Variants in KLHL2 observed in about 807,000 individuals in gnomAD.
The protein encoded by KLHL2 is kelch like family member 2.
Under a neutral mutation model 75.8 loss-of-function variants are expected in KLHL2, and 15 were observed. That is an observed-to-expected ratio of 0.20 (90% CI 0.13 to 0.30). The LOEUF (loss-of-function observed/expected upper bound fraction) is 0.30. Among genes scored for constraint, KLHL2 ranks in the 10% least tolerant of loss-of-function variants. The probability of loss-of-function intolerance (pLI) is 1.00; values close to 1 mark genes in which losing one functional copy is unlikely to be tolerated. For synonymous variants in KLHL2, 214 were observed against 251.9 expected, an observed-to-expected ratio of 0.85 and a Z score of 1.42; for missense variants, 381 against 741.0, an observed-to-expected ratio of 0.51 and a Z score of 5.64.
chr4:165,258,683 A>G (rs899615372), intron 4 of KLHL2, among the ~76,000 whole-genome samples: 1 of 152,168 alleles, frequency 6.6e-6, no homozygotes, highest in Non-Finnish European at 1.5e-5. Context: ...TTAAGAAATC[A>G]CCTCTTTACA....
At chr4:165,263,090 C>T (rs1173965335) in intron 4 of KLHL2, 107 bp from the exon 5 acceptor site, 20 of 887,998 alleles carry the variant, frequency 2.3e-5, no homozygotes, top group East Asian at 9.8e-5. Flanking sequence ...GGGGTATGGA[C>T]GCAGATAATA....
Position 165,285,346 on chromosome 4 carries a change from GTTAC to G in KLHL2, c.545-9009_545-9006del, listed in dbSNP as rs144479118. ...GAGTGGGATGATGAGGGAAAGGGTAGTTACTTAATGAATTTCATATTTGCAAGAT... is the reference window on the plus strand; with the variant it reads ...GAGTGGGATGATGAGGGAAAGGGTAGTTAATGAATTTCATATTTGCAAGAT... On this transcript the variant is annotated intron_variant, in intron 5 of 14. Coordinates refer to ENST00000226725, the MANE Select transcript of KLHL2 (RefSeq NM_007246.4). Among the ~76,000 whole-genome samples, 1,459 of 152,294 alleles carry G rather than the reference GTTAC, an allele frequency of 9.6e-3. 19 individuals carry two copies. The highest frequency in any genetic ancestry group is 0.031 in the African/African-American group (1,301 of 41,562).
At chr4:165,291,368 A>T (rs924152882) in intron 5 of KLHL2, among the ~76,000 whole-genome samples, 6 of 152,010 alleles carry the variant, frequency 3.9e-5, no homozygotes, top group African/African-American at 1.4e-4. Flanking sequence ...TTTTTCATGG[A>T]TAATACTTTT....
chr4:165,292,242 T>G (rs1744572380), intron 5 of KLHL2, among the ~76,000 whole-genome samples: 1 of 152,210 alleles, frequency 6.6e-6, no homozygotes, highest in African/African-American at 2.4e-5. Context: ...TTTTAAACAA[T>G]TGTGTGTCAA....
At chr4:165,284,144 G>C (rs1743905550) in intron 5 of KLHL2, among the ~76,000 whole-genome samples, 1 of 152,174 alleles carries the variant, frequency 6.6e-6, no homozygotes, top group African/African-American at 2.4e-5. Flanking sequence ...GACATGCCCT[G>C]GAGACATTTT....
At position 165,298,159 on chromosome 4, in the gene KLHL2, C is replaced by G. The variant is rs183954010; in HGVS notation, c.771+434C>G. Among the ~76,000 whole-genome samples the G allele has an allele frequency of 5.6e-4, 85 of 152,210 alleles. 1 individual carries two copies. Among genetic ancestry groups the G allele is most frequent in the Non-Finnish European group, 1.8e-4 (12 of 68,012 alleles). On this transcript the variant is annotated intron_variant, in intron 7 of 14. Coordinates refer to ENST00000226725, the MANE Select transcript of KLHL2 (RefSeq NM_007246.4). The stretch of plus-strand genomic sequence containing the variant: ...CCGTTCTTAGAAATTTGCTTTTGCC[C>G]CTATTTTTGATTTGGGTAAGCAAGT...
At chr4:165,276,409 C>T (rs187814218) in intron 5 of KLHL2, among the ~76,000 whole-genome samples, 141 of 152,134 alleles carry the variant, frequency 9.3e-4, no homozygotes, top group Non-Finnish European at 4.6e-4. Context: ...ACCTGTATGT[C>T]GTGAGCAGAC....
intron 6 of KLHL2, among the ~76,000 whole-genome samples, chr4:165,296,496 G>T (rs1560815706): frequency 6.6e-6 from 1 of 152,174 alleles, no homozygotes; most frequent in Non-Finnish European, 1.5e-5. Flanking sequence ...TGGTTAACAG[G>T]GCCAGCTTAG....
At chr4:165,286,773 G>C (rs183867751) in intron 5 of KLHL2, among the ~76,000 whole-genome samples, 1 of 152,206 alleles carries the variant, frequency 6.6e-6, no homozygotes, top group South Asian at 2.1e-4. Flanking sequence ...TAGGACAGCA[G>C]CCAAACATAG....
At chr4:165,259,827 C>G (rs1395763216) in intron 4 of KLHL2, among the ~76,000 whole-genome samples, 1 of 152,168 alleles carries the variant, frequency 6.6e-6, no homozygotes, top group Non-Finnish European at 1.5e-5. Context: ...GATTATATCC[C>G]TAGCTTTCCA....
chr4:165,244,234 A>G (rs1230575852), intron 4 of KLHL2, among the ~76,000 whole-genome samples: 1 of 152,234 alleles, frequency 6.6e-6, no homozygotes, highest in Non-Finnish European at 1.5e-5. Flanking sequence ...TTTTCATAGA[A>G]AGAGCTCTTT....
intron 4 of KLHL2, among the ~76,000 whole-genome samples, chr4:165,253,638 A>G (rs1335452060): frequency 6.6e-6 from 1 of 152,176 alleles, no homozygotes; most frequent in Non-Finnish European, 1.5e-5. Flanking sequence ...TCCACACCCA[A>G]ATCAAGGTAT....
chr4:165,243,633 G>A (rs1335392346), intron 4 of KLHL2, among the ~76,000 whole-genome samples: 1 of 152,256 alleles, frequency 6.6e-6, no homozygotes, highest in Non-Finnish European at 1.5e-5. Context: ...CAGACTAAAT[G>A]TTTAACACAG....
chr4:165,240,893 A>G (rs1482421431), intron 4 of KLHL2, among the ~76,000 whole-genome samples: 2 of 152,220 alleles, frequency 1.3e-5, no homozygotes, highest in Admixed American at 1.3e-4. Context: ...TGGTGGGGAC[A>G]TGGGCCTATT....
intron 1 of KLHL2, among the ~76,000 whole-genome samples, chr4:165,213,373 C>T (rs1436029176): frequency 2.0e-5 from 3 of 152,218 alleles, no homozygotes; most frequent in Non-Finnish European, 4.4e-5. Context: ...ATCATTTTAT[C>T]TTATCCTATA....
chr4:165,220,041 T>C lies in KLHL2; in HGVS notation c.134T>C (p.Val45Ala), dbSNP rs752299146. Reference protein sequence around the residue: ...NPWHMKKAFKVMNELRSQNLL... With the variant: ...NPWHMKKAFKAMNELRSQNLL... Reference sequence around the variant, plus strand: ...TGGCATATGAAGAAAGCTTTCAAAGTCATGAACGAATTAAGAAGGTATCAT... The same window carrying C: ...TGGCATATGAAGAAAGCTTTCAAAGCCATGAACGAATTAAGAAGGTATCAT... The change falls in exon 2 of 15, where the codon GTC becomes GCC. Residue 45 changes from valine (V) to alanine (A), a missense_variant. Val to Ala is a moderately conservative substitution (Grantham distance 64). Around this residue, in one of 5 missense-constraint regions of KLHL2, gnomAD observed 48 missense variants for 88.9 expected, o/e 0.54. Transcript: ENST00000226725. The C allele has an allele frequency of 1.2e-5, 20 of 1,607,258 alleles. No homozygotes were observed. Among genetic ancestry groups the C allele is most frequent in the Non-Finnish European group, 1.6e-5 (19 of 1,178,288 alleles).
rs578008839 is a variant in KLHL2, at chr4:165,218,964, A to G, written c.27-970A>G. Among the ~76,000 whole-genome samples the G allele has an allele frequency of 3.9e-4, 59 of 152,340 alleles. 1 individual carries two copies. The South Asian group carries it at 0.012, about 32-fold the overall frequency. On this transcript the variant is annotated intron_variant, in intron 1 of 14. Coordinates refer to ENST00000226725, the MANE Select transcript of KLHL2 (RefSeq NM_007246.4). ...TTTACATACCATAAATCCACCCATT[A>G]TAATTGTGCAATCTAATGATTTTTA...
intron 10 of KLHL2, 152 bp downstream of exon 10, chr4:165,310,902 T>TG (rs995182284): frequency 9.6e-6 from 6 of 622,024 alleles, no homozygotes; most frequent in Non-Finnish European, 2.8e-6. Flanking sequence ...TCGCCCAGGC[T>TG]GGAGTACAGT....
chr4:165,311,914 C>T (rs1053419592), intron 11 of KLHL2, among the ~76,000 whole-genome samples: 1 of 151,566 alleles, frequency 6.6e-6, no homozygotes, highest in African/African-American at 2.4e-5. Context: ...TAACAGCAGT[C>T]CCCAACCTTT....
Sources: allele counts gnomAD v4.1 joint callset (sites outside exome capture counted in the v4.1 genomes callset), GRCh38; gene constraint gnomAD v4.1.1; regional missense constraint gnomAD v4.1.1; transcripts MANE v1.5; gene names NCBI Gene and HGNC (gene_info 2026-07-23, HGNC 2026-07-21).